The following ATP11A variants were observed in gnomAD, a reference collection of about 807,000 sequenced individuals.
ATP11A encodes the protein phospholipid-transporting ATPase IH.
In ATP11A, 81 loss-of-function variants were observed where a neutral mutation model predicts 154.4. The ratio of observed to expected loss-of-function variants is 0.52; its 90% CI spans 0.44 to 0.63. ATP11A has a LOEUF of 0.63. Among genes scored for constraint, ATP11A ranks in the 30% least tolerant of loss-of-function variants. The probability of loss-of-function intolerance (pLI) is 0.00; values close to 1 mark genes in which losing one functional copy is unlikely to be tolerated. For synonymous variants in ATP11A, 623 were observed against 585.9 expected (o/e 1.06, Z -0.91); for missense variants, 1,316 against 1,474.3 (o/e 0.89, Z 1.76).
chr13:112,861,194 T>C (rs2080093687), intron 24 of ATP11A, among the ~76,000 whole-genome samples: 2 of 152,220 alleles, frequency 1.3e-5, no homozygotes, highest in African/African-American at 4.8e-5. Context: ...ACCACCCCCA[T>C]GACTCAATCA....
At chr13:112,865,190 C>G (rs77562727) in intron 25 of ATP11A, among the ~76,000 whole-genome samples, 1 of 50,574 alleles carries the variant, frequency 2.0e-5, no homozygotes, top group Non-Finnish European at 4.0e-5. Flanking sequence ...CCATCACCAC[C>G]TGCGCAGTAA....
Position 112,871,820 on chromosome 13 carries a change from C to T in ATP11A, c.3057+20C>T, listed in dbSNP as rs772691071. 7 of 1,610,436 alleles carry T rather than the reference C, an allele frequency of 4.3e-6. No homozygotes were observed. Among genetic ancestry groups the T allele is most frequent in the Non-Finnish European group, 3.4e-6 (4 of 1,176,602 alleles). On this transcript the variant is annotated intron_variant, in intron 26 of 29. Coordinates refer to ENST00000375645, the MANE Select transcript of ATP11A (RefSeq NM_015205.3). Reference sequence around the variant, plus strand: ...CTAAAGGTAAGTGGTCTCGCGCTCACGTTCCTCCCCCAGCCACAGTGAACC... The same window carrying T: ...CTAAAGGTAAGTGGTCTCGCGCTCATGTTCCTCCCCCAGCCACAGTGAACC...
chr13:112,828,952 C>T (rs539396028), intron 12 of ATP11A, among the ~76,000 whole-genome samples: 1 of 152,248 alleles, frequency 6.6e-6, no homozygotes, highest in Non-Finnish European at 1.5e-5. Context: ...ACAACAGAAA[C>T]AACCATCTGC....
At chr13:112,815,801 G>A (rs1235937779) in intron 5 of ATP11A, among the ~76,000 whole-genome samples, 2 of 152,106 alleles carry the variant, frequency 1.3e-5, no homozygotes, top group Non-Finnish European at 2.9e-5. Context: ...ACTTGGCCAC[G>A]CTCACAGAAC....
chr13:112,698,831 C>T (rs549602619), intron 1 of ATP11A, among the ~76,000 whole-genome samples: 1 of 152,304 alleles, frequency 6.6e-6, no homozygotes, highest in East Asian at 1.9e-4. Flanking sequence ...AAGTGATTCT[C>T]ATGCCTCAGC....
At chr13:112,832,241 C>T (rs1566545188) in intron 13 of ATP11A, among the ~76,000 whole-genome samples, 2 of 152,236 alleles carry the variant, frequency 1.3e-5, no homozygotes, top group Admixed American at 6.5e-5. Context: ...TCCTGAATTT[C>T]CCCGCACACA....
intron 1 of ATP11A, among the ~76,000 whole-genome samples, chr13:112,723,085 T>G (rs1225546710): frequency 6.6e-6 from 1 of 152,000 alleles, no homozygotes; most frequent in African/African-American, 2.4e-5. Context: ...GAGCCCTGTT[T>G]AGCAGGTCTG....
At chr13:112,857,469 A>C (rs536690622) in intron 20 of ATP11A, among the ~76,000 whole-genome samples, 6 of 152,240 alleles carry the variant, frequency 3.9e-5, no homozygotes, top group Admixed American at 2.0e-4. Context: ...ATATTTTCCC[A>C]GGATTTACAC....
Position 112,765,381 on chromosome 13 carries a change from G to A in ATP11A, c.40-19754G>A, listed in dbSNP as rs559726961. ...TTTCTGGTCCTGGCCTGGGGGGGTC[G>A]TGGTCTCGCTGGTGCAGCCTCCTCC... is the stretch of plus-strand genomic sequence containing the variant. On this transcript the variant is annotated intron_variant, in intron 1 of 29. Transcript: ENST00000375645. Among the ~76,000 whole-genome samples, 50 of 152,288 alleles carry A rather than the reference G, an allele frequency of 3.3e-4. No homozygotes were observed. In the East Asian group the frequency reaches 8.7e-3, roughly 26 times the overall value.
At chr13:112,800,560 C>T (rs1241439942) in intron 2 of ATP11A, among the ~76,000 whole-genome samples, 2 of 150,964 alleles carry the variant, frequency 1.3e-5, no homozygotes, top group Non-Finnish European at 3.0e-5. Flanking sequence ...TGAATTCTAC[C>T]AAACATTTAA....
At chr13:112,821,232 T>A (rs1228889707) in intron 8 of ATP11A, among the ~76,000 whole-genome samples, 2 of 152,242 alleles carry the variant, frequency 1.3e-5, no homozygotes, top group African/African-American at 4.8e-5. Flanking sequence ...TAGACCAAGT[T>A]TATTGCTGAA....
At position 112,787,984 on chromosome 13, in the gene ATP11A, C is replaced by G. The variant is rs141631538; in HGVS notation, c.162+2727C>G. On this transcript the variant is annotated intron_variant, in intron 2 of 29. Transcript: ENST00000375645. ...CCTGTGGAGACCTACTTAATTCACA[C>G]CGGATGTCCTGATGTGTAGACCCCT... is the stretch of plus-strand genomic sequence containing the variant. 4.0e-3 allele frequency among the ~76,000 whole-genome samples: 601 copies of G among 151,384 alleles called. 8 individuals carry two copies. The highest frequency in any genetic ancestry group is 0.014 in the African/African-American group (562 of 41,238).
intron 1 of ATP11A, among the ~76,000 whole-genome samples, chr13:112,755,327 T>C (rs1192406220): frequency 1.3e-5 from 2 of 152,094 alleles, no homozygotes; most frequent in East Asian, 3.9e-4. Flanking sequence ...CACCCTCTCC[T>C]TGGATCCTAG....
At chr13:112,831,666 G>T in intron 13 of ATP11A, 118 bp downstream of exon 13, 1 of 1,187,308 alleles carries the variant, frequency 8.4e-7, no homozygotes, top group South Asian at 1.5e-5. Context: ...ACGGACTTCA[G>T]TGGGAGGGAT....
At chr13:112,871,682 G>A in intron 25 of ATP11A, 53 bp from the exon 26 acceptor site, 3 of 1,560,100 alleles carry the variant, frequency 1.9e-6, no homozygotes, top group Non-Finnish European at 2.6e-6. Context: ...GATTGTGAAA[G>A]AGAAAAAAAA....
chr13:112,693,267 A>G (rs771661773), intron 1 of ATP11A, among the ~76,000 whole-genome samples: 2 of 152,120 alleles, frequency 1.3e-5, no homozygotes, highest in Non-Finnish European at 2.9e-5. Flanking sequence ...TTTGTATACC[A>G]TGAGGAGTGC....
chr13:112,782,174 G>A (rs553269273), intron 1 of ATP11A, among the ~76,000 whole-genome samples: 3 of 152,252 alleles, frequency 2.0e-5, no homozygotes, highest in Non-Finnish European at 4.4e-5. Flanking sequence ...CCGGTGTTGA[G>A]ACTTTGGAGT....
At chr13:112,768,265 A>G (rs995506073) in intron 1 of ATP11A, among the ~76,000 whole-genome samples, 14 of 152,354 alleles carry the variant, frequency 9.2e-5, no homozygotes, top group African/African-American at 2.9e-4. Flanking sequence ...CTCTACCAGC[A>G]GCGTCTTCGC....
intron 1 of ATP11A, among the ~76,000 whole-genome samples, chr13:112,713,062 G>T (rs1489236919): frequency 6.6e-6 from 1 of 152,248 alleles, no homozygotes. Flanking sequence ...ACTTATGACA[G>T]CAGCTACACA....
Sources: allele counts gnomAD v4.1 joint callset (sites outside exome capture counted in the v4.1 genomes callset), GRCh38; gene constraint gnomAD v4.1.1; transcripts MANE v1.5; gene names NCBI Gene and HGNC (gene_info 2026-07-23, HGNC 2026-07-21).